Variants in KCNU1 observed in about 807,000 individuals in gnomAD.
The protein encoded by KCNU1 is potassium calcium-activated channel subfamily U member 1, also known as potassium channel subfamily U member 1.
A neutral mutation model predicts 126.8 loss-of-function variants in KCNU1; 93 were observed. That is an observed-to-expected ratio of 0.73 (90% confidence interval 0.62 to 0.87). KCNU1 has a LOEUF of 0.87. Among genes scored for constraint, KCNU1 ranks in the 40% least tolerant of loss-of-function variants. The probability of loss-of-function intolerance (pLI) is 0.00; values close to 1 mark genes in which losing one functional copy is unlikely to be tolerated. For missense variants in KCNU1, 1,330 were observed against 1,367.1 expected, an observed-to-expected ratio of 0.97 and a Z score of 0.43; for synonymous variants, 523 against 494.2, an observed-to-expected ratio of 1.06 and a Z score of -0.77.
chr8:36,881,375 A>C (rs911164243), intron 19 of KCNU1, among the ~76,000 whole-genome samples: 1 of 152,102 alleles, frequency 6.6e-6, no homozygotes, highest in African/African-American at 2.4e-5. Context: ...GTCATGAGCC[A>C]CCATGCCCAG....
Position 36,930,948 on chromosome 8 carries a change from C to A in KCNU1, c.2737-3C>A. 8 of 1,595,218 alleles carry A rather than the reference C, an allele frequency of 5.0e-6. No homozygotes were observed. The African/African-American group carries it at 6.7e-5, about 13-fold the overall frequency. On this transcript the variant is annotated splice_polypyrimidine_tract_variant and splice_region_variant and intron_variant, in intron 24 of 26. Transcript: ENST00000399881. ...TTGCATGTGGCTTGTCCTTGTTTTC[C>A]AGGCCTTCTACAATTATCATGTCCT...
intron 19 of KCNU1, among the ~76,000 whole-genome samples, chr8:36,901,525 G>C (rs1005737735): frequency 1.3e-5 from 2 of 152,178 alleles, no homozygotes; most frequent in South Asian, 2.1e-4. Flanking sequence ...CAGTCTTCAT[G>C]CATATCAAAG....
chr8:36,897,081 A>C (rs575708842), intron 19 of KCNU1, among the ~76,000 whole-genome samples: 2 of 152,040 alleles, frequency 1.3e-5, no homozygotes, highest in Non-Finnish European at 2.9e-5. Flanking sequence ...AATAGCAAAA[A>C]GAGTCTGAGT....
chr8:36,832,378 C>A (rs1316328898), intron 10 of KCNU1, among the ~76,000 whole-genome samples: 3 of 152,122 alleles, frequency 2.0e-5, no homozygotes, highest in African/African-American at 4.8e-5. Context: ...GATATTGATT[C>A]TTCCTACCCA....
chr8:36,880,365 T>C (rs1245957850), intron 19 of KCNU1, among the ~76,000 whole-genome samples: 1 of 152,148 alleles, frequency 6.6e-6, no homozygotes, highest in Non-Finnish European at 1.5e-5. Flanking sequence ...CATCCAGTGG[T>C]ATTTGTTACC....
rs1326654481 is a variant in KCNU1 at position 36,840,579 on chromosome 8, A to C, written c.1631+4A>C. On this transcript the variant is annotated splice_donor_region_variant and intron_variant, in intron 15 of 26. Coordinates refer to ENST00000399881, the MANE Select transcript of KCNU1 (RefSeq NM_001031836.3). ...TGAGCTTTCCTGAAGTTGCCCGGTA[A>C]GTGAAGTGAAATACTTCCCTCATTC... is the stretch of plus-strand genomic sequence containing the variant. The C allele has an allele frequency of 1.3e-5, 20 of 1,523,218 alleles. No homozygotes were observed. The highest frequency in any genetic ancestry group is 1.8e-5 in the Non-Finnish European group (20 of 1,098,534). 94.4% of individuals were successfully genotyped at this position (1,523,218 alleles called of 1,614,324 possible).
At chr8:36,810,768 A>C (rs4739327) in intron 7 of KCNU1, among the ~76,000 whole-genome samples, 35,820 of 152,074 alleles carry the variant, frequency 0.24, 4,948 homozygotes, top group African/African-American at 0.37. Context: ...GCAGAGAAAC[A>C]TTAGCATTAT....
chr8:36,815,272 C>T (rs1253147057), intron 8 of KCNU1, among the ~76,000 whole-genome samples: 1 of 152,010 alleles, frequency 6.6e-6, no homozygotes. Context: ...AGAGGTTGCA[C>T]CCCAGCCCGG....
chr8:36,898,332 T>G (rs1585531666), intron 19 of KCNU1, among the ~76,000 whole-genome samples: 1 of 151,972 alleles, frequency 6.6e-6, no homozygotes, highest in East Asian at 1.9e-4. Flanking sequence ...CTCACACCAG[T>G]AACATTTTGA....
intron 10 of KCNU1, 125 bp from the exon 11 acceptor site, chr8:36,833,429 G>T: frequency 1.9e-6 from 1 of 517,306 alleles, no homozygotes; most frequent in Non-Finnish European, 3.6e-6. Context: ...GTATTAACTT[G>T]ATTTGTATTT....
At chr8:36,818,762 G>A (rs1804014810) in intron 10 of KCNU1, among the ~76,000 whole-genome samples, 1 of 152,100 alleles carries the variant, frequency 6.6e-6, no homozygotes, top group Non-Finnish European at 1.5e-5. Flanking sequence ...CTCTACTTTT[G>A]CATTATGACA....
At chr8:36,905,657 A>G (rs1322949485) in intron 19 of KCNU1, 51 bp from the exon 20 acceptor site, 2 of 968,620 alleles carry the variant, frequency 2.1e-6, no homozygotes, top group African/African-American at 1.6e-5. Flanking sequence ...CGGCTTTGTT[A>G]CAGAGGAGCT....
At chr8:36,897,024 T>A (rs1357182596) in intron 19 of KCNU1, among the ~76,000 whole-genome samples, 4 of 152,026 alleles carry the variant, frequency 2.6e-5, no homozygotes, top group Non-Finnish European at 4.4e-5. Context: ...CTGCCTGAGT[T>A]ATAACTAGTG....
At chr8:36,901,796 G>A (rs1005189926) in intron 19 of KCNU1, among the ~76,000 whole-genome samples, 1 of 152,172 alleles carries the variant, frequency 6.6e-6, no homozygotes, top group Admixed American at 6.5e-5. Context: ...AACACATCCT[G>A]CTGAAGGCCA....
Position 36,911,115 on chromosome 8 carries a change from G to C in KCNU1, c.2517G>C (p.Val839=), listed in dbSNP as rs747368098. The C allele has an allele frequency of 1.9e-6, 3 of 1,611,252 alleles. No individual in the cohort carries two copies. In the African/African-American group the frequency reaches 4.0e-5, roughly 22 times the overall value. ...IDSSSDPSPS[V]SEETPGYTNG... The stretch of plus-strand genomic sequence containing the variant: ...CCTCCTCTGACCCGTCACCCTCAGT[G>C]TCAGGTGAGAACAGCACCCCTGAAA... The change falls in exon 22 of 27, where the codon GTG becomes GTC. Residue 839 remains valine, a synonymous_variant. Transcript: ENST00000399881.
intron 19 of KCNU1, among the ~76,000 whole-genome samples, chr8:36,867,639 G>A (rs1243922875): frequency 6.6e-6 from 1 of 152,098 alleles, no homozygotes; most frequent in Non-Finnish European, 1.5e-5. Context: ...ATGGTAAAGG[G>A]TTGGCGAGCC....
intron 19 of KCNU1, among the ~76,000 whole-genome samples, chr8:36,885,486 A>G (rs1421546583): frequency 6.6e-6 from 1 of 152,122 alleles, no homozygotes; most frequent in Non-Finnish European, 1.5e-5. Context: ...AGCCAGGAGA[A>G]GGAGGTTGCA....
At position 36,911,107 on chromosome 8, in the gene KCNU1, C is replaced by G; in HGVS notation, c.2509C>G (p.Pro837Ala). ...AATTGACTCCTCCTCTGACCCGTCACCCTCAGTGTCAGGTGAGAACAGCAC... is the reference window on the plus strand; with the variant it reads ...AATTGACTCCTCCTCTGACCCGTCAGCCTCAGTGTCAGGTGAGAACAGCAC... ...LQIDSSSDPS[P>A]SVSEETPGYT... The change falls in exon 22 of 27, where the codon CCC (proline) becomes GCC (alanine). Residue 837 changes from proline (P) to alanine (A), a missense_variant. Physicochemically the swap from Pro to Ala is conservative, Grantham distance 27. Around this residue, in one of 3 missense-constraint regions of KCNU1, gnomAD observed 1,054 missense variants for 1,053.9 expected, o/e 1.00. Coordinates refer to ENST00000399881, the MANE Select transcript of KCNU1 (RefSeq NM_001031836.3). The G allele has an allele frequency of 1.2e-6, 2 of 1,612,500 alleles. No homozygotes were observed. The highest frequency in any genetic ancestry group is 1.7e-6 in the Non-Finnish European group (2 of 1,178,880).
chr8:36,855,774 CT>C (rs1342897977), intron 18 of KCNU1, among the ~76,000 whole-genome samples: 1 of 151,102 alleles, frequency 6.6e-6, no homozygotes, highest in Non-Finnish European at 1.5e-5. Flanking sequence ...TATTTTTTTT[CT>C]GGTATCTTGT....
Sources: gnomAD v4.1 joint callset for allele counts (sites outside exome capture counted in the v4.1 genomes callset) on GRCh38, gnomAD v4.1.1 for gene constraint, gnomAD v4.1.1 regional missense constraint, MANE v1.5 for transcripts, NCBI Gene and HGNC (gene_info 2026-07-23, HGNC 2026-07-21) for gene names.